KCNN2: variants seen among roughly 807,000 people sequenced by gnomAD.
The protein encoded by KCNN2 is potassium calcium-activated channel subfamily N member 2.
KCNN2 carries 24 observed loss-of-function variants against 55.5 expected under a neutral mutation model. The observed-to-expected ratio is 0.43, with a 90% CI of 0.31 to 0.61. The LOEUF is 0.61. KCNN2 is among the 20% of genes least tolerant of loss of function. The pLI, the probability that KCNN2 is intolerant of heterozygous loss-of-function variation, is 0.08. For missense variants in KCNN2, 754 were observed against 853.6 expected (o/e 0.88, Z 1.45); for synonymous variants, 431 against 336.1 (o/e 1.28, Z -3.09).
At chr5:114,263,654 T>A (rs1407437750) in intron 2 of KCNN2, among the ~76,000 whole-genome samples, 2 of 151,558 alleles carry the variant, frequency 1.3e-5, no homozygotes, top group East Asian at 3.9e-4. Context: ...TGTAAAAAAA[T>A]TTTTTATAAA....
At position 114,231,840 on chromosome 5, in the gene KCNN2, A is replaced by G. The variant is rs559443719; in HGVS notation, c.-185+10275A>G. Among the ~76,000 whole-genome samples, 103 of 139,906 alleles carry G rather than the reference A, an allele frequency of 7.4e-4. 2 individuals are homozygous for G. The highest frequency in any genetic ancestry group is 1.5e-3 in the Admixed American group (20 of 13,542). The allele number at this position is 139,906 out of a possible 152,430, so 91.8% of individuals were successfully genotyped here. A position where few individuals can be genotyped will look rare whatever the true frequency, so the allele number is the denominator to read the frequency against. On this transcript the variant is annotated intron_variant, in intron 2 of 10. Coordinates refer to the KCNN2 transcript ENST00000512097. ...CCTTTTCTTCAATTTCTGTCTTCCC[A>G]TAAAATGCCTTGTTTTTTTTTTCTG... is the stretch of plus-strand genomic sequence containing the variant.
intron 1 of KCNN2, among the ~76,000 whole-genome samples, chr5:114,069,464 C>T (rs181137560): frequency 5.9e-5 from 9 of 152,248 alleles, no homozygotes; most frequent in Admixed American, 2.0e-4. Flanking sequence ...TTTAAGCCTT[C>T]AACTATAGAT....
chr5:114,430,915 G>C (rs1759772811), intron 3 of KCNN2, among the ~76,000 whole-genome samples: 2 of 152,032 alleles, frequency 1.3e-5, no homozygotes. Flanking sequence ...TTCAAATGTT[G>C]AACTAGCCTT....
intron 2 of KCNN2, 133 bp downstream of exon 2, chr5:114,364,134 A>AC (rs1757533899): frequency 1.5e-6 from 1 of 653,830 alleles, no homozygotes; most frequent in Non-Finnish European, 2.7e-6. Context: ...CTGTATTGTT[A>AC]CCGTTAGCAC....
intron 2 of KCNN2, among the ~76,000 whole-genome samples, chr5:114,343,607 G>A (rs903663066): frequency 1.3e-4 from 20 of 152,128 alleles, no homozygotes; most frequent in African/African-American, 4.3e-4. Context: ...AATGAAGTCA[G>A]AGTGGCAGAA....
intron 2 of KCNN2, among the ~76,000 whole-genome samples, chr5:114,264,004 C>T (rs1755161450): frequency 6.6e-6 from 1 of 152,196 alleles, no homozygotes; most frequent in South Asian, 2.1e-4. Flanking sequence ...TTCCCTACCA[C>T]CCAGCTGTGT....
upstream of KCNN2, chr5:114,362,035 A>C (rs1043504406): frequency 2.6e-5 from 4 of 153,554 alleles, no homozygotes; most frequent in African/African-American, 9.6e-5. Context: ...CGGAGCCGGC[A>C]TGGGCCCTTC....
At position 114,345,181 on chromosome 5, in the gene KCNN2, T is replaced by A. The variant is rs1435353295; in HGVS notation, c.-184-15764T>A. ...TCTCTATGGATTCATATAGATACAT[T>A]TCCAAAATATCTTGTTAAGTGAAAA... On this transcript the variant is annotated intron_variant, in intron 2 of 10. Transcript: ENST00000512097. Among the ~76,000 whole-genome samples, 26 of 152,292 alleles carry A rather than the reference T, an allele frequency of 1.7e-4. No individual in the cohort carries two copies. In the South Asian group the frequency reaches 4.6e-3, roughly 27 times the overall value.
intron 2 of KCNN2, among the ~76,000 whole-genome samples, chr5:114,318,812 G>T (rs1292376890): frequency 1.3e-5 from 2 of 151,870 alleles, no homozygotes; most frequent in Non-Finnish European, 2.9e-5. Flanking sequence ...CTTGGATTAT[G>T]CTTCTGGGAA....
intron 2 of KCNN2, among the ~76,000 whole-genome samples, chr5:114,254,349 T>C (rs867804133): frequency 1.3e-5 from 2 of 152,220 alleles, no homozygotes; most frequent in Non-Finnish European, 2.9e-5. Flanking sequence ...GAATCCTGTA[T>C]ATGCACAGAT....
chr5:114,058,622 G>A (rs1750260291), intron 1 of KCNN2, among the ~76,000 whole-genome samples: 1 of 152,150 alleles, frequency 6.6e-6, no homozygotes, highest in African/African-American at 2.4e-5. Flanking sequence ...CAGGGGGAGG[G>A]CTCTACCAGG....
chr5:114,069,397 T>G (rs1750520199), intron 1 of KCNN2, among the ~76,000 whole-genome samples: 1 of 152,214 alleles, frequency 6.6e-6, no homozygotes, highest in Non-Finnish European at 1.5e-5. Context: ...TTTTTCCCTC[T>G]TAAAGGCACT....
At chr5:114,152,802 TG>T (rs1752553665) in intron 1 of KCNN2, among the ~76,000 whole-genome samples, 1 of 152,042 alleles carries the variant, frequency 6.6e-6, no homozygotes. Context: ...CTGGAAGAGA[TG>T]CCAGCATGTA....
intron 2 of KCNN2, among the ~76,000 whole-genome samples, chr5:114,232,925 G>GTTTTCTTTTTTT (rs1554076024): frequency 1.3e-5 from 1 of 76,276 alleles, no homozygotes; most frequent in Non-Finnish European, 2.4e-5. Flanking sequence ...ATTGTTTCTT[G>GTTTTCTTTTTTT]TTTTTTTTTT....
At chr5:114,159,398 G>T (rs571401742) in intron 1 of KCNN2, among the ~76,000 whole-genome samples, 1 of 152,126 alleles carries the variant, frequency 6.6e-6, no homozygotes, top group Non-Finnish European at 1.5e-5. Context: ...TGCTGGATTC[G>T]GTTTGGCAGT....
At position 114,079,772 on chromosome 5, in the gene KCNN2, G is replaced by A. The variant is rs137908288; in HGVS notation, c.-271+23272G>A. 2.3e-3 allele frequency among the ~76,000 whole-genome samples: 349 copies of A among 151,780 alleles called. 3 individuals carry two copies. Among genetic ancestry groups the A allele is most frequent in the African/African-American group, 7.8e-3 (323 of 41,344 alleles). On this transcript the variant is annotated intron_variant, in intron 1 of 10. Transcript: ENST00000512097. ...CTGTAGCAGTTCCCAAATGTTTCTTGCTGCAGCCATCAGCTTTAAGAGGAA... is the reference window on the plus strand; with the variant it reads ...CTGTAGCAGTTCCCAAATGTTTCTTACTGCAGCCATCAGCTTTAAGAGGAA...
chr5:114,353,700 C>T (rs163301), intron 2 of KCNN2, among the ~76,000 whole-genome samples: 68,086 of 151,532 alleles, frequency 0.45, 15,968 homozygotes, highest in East Asian at 0.86. Context: ...TGTTTGTTAA[C>T]GTTACTAAAT....
At chr5:114,449,879 T>TACACACACAC (rs745574908) in intron 3 of KCNN2, among the ~76,000 whole-genome samples, 3,130 of 93,396 alleles carry the variant, frequency 0.034, 117 homozygotes, top group African/African-American at 0.083. Flanking sequence ...CATCCAAACA[T>TACACACACAC]ACACACACAC....
chr5:114,065,866 T>G lies in KCNN2; in HGVS notation c.-271+9366T>G, dbSNP rs866692977. On this transcript the variant is annotated intron_variant, in intron 1 of 10. Coordinates refer to the KCNN2 transcript ENST00000512097. ...TGCAGGTTTTTTTTTTTTTTTTTTTTTTTTTTTTTTTTTTTTGCAATGGGG... is the reference window on the plus strand; with the variant it reads ...TGCAGGTTTTTTTTTTTTTTTTTTTGTTTTTTTTTTTTTTTTGCAATGGGG... Among the ~76,000 whole-genome samples, 1,314 of 142,914 alleles carry G rather than the reference T, an allele frequency of 9.2e-3. 30 individuals carry two copies. The highest frequency in any genetic ancestry group is 0.033 in the African/African-American group (1,235 of 37,668). 93.8% of individuals were successfully genotyped at this position (142,914 alleles called of 152,430 possible). A position where few individuals can be genotyped will look rare whatever the true frequency, so the allele number is the denominator to read the frequency against.
Sources: gnomAD v4.1 joint callset for allele counts (sites outside exome capture counted in the v4.1 genomes callset) on GRCh38, gnomAD v4.1.1 for gene constraint, MANE v1.5 for transcripts, NCBI Gene and HGNC (gene_info 2026-07-23, HGNC 2026-07-21) for gene names.